The following ZNF385D variants were observed in gnomAD, a reference collection of about 807,000 sequenced individuals.
ZNF385D encodes the protein zinc finger protein 659.
ZNF385D carries 15 observed loss-of-function variants against 35.8 expected under a neutral mutation model. The ratio of observed to expected loss-of-function variants is 0.42; its 90% CI spans 0.28 to 0.64. The LOEUF (loss-of-function observed/expected upper bound fraction) is 0.64, where lower values mean the gene tolerates loss of function less well. Among genes scored for constraint, ZNF385D ranks in the 30% least tolerant of loss-of-function variants. The pLI is 0.23. For missense variants in ZNF385D, 474 were observed against 494.6 expected, an observed-to-expected ratio of 0.96 and a Z score of 0.39; for synonymous variants, 212 against 186.8, an observed-to-expected ratio of 1.13 and a Z score of -1.10.
At chr3:22,103,051 G>C (rs1435653916) in intron 3 of ZNF385D, among the ~76,000 whole-genome samples, 1 of 151,264 alleles carries the variant, frequency 6.6e-6, no homozygotes, top group South Asian at 2.1e-4. Flanking sequence ...TGCAACTAAA[G>C]TCAAGACTGA....
chr3:21,782,027 T>C lies in ZNF385D; in HGVS notation c.326-116999A>G, dbSNP rs571253454. Among the ~76,000 whole-genome samples the C allele has an allele frequency of 2.2e-3, 337 of 152,200 alleles. 1 individual carries two copies. The highest frequency in any genetic ancestry group is 5.8e-3 in the Admixed American group (89 of 15,276). On this transcript the variant is annotated intron_variant, in intron 3 of 5. Coordinates refer to the ZNF385D transcript ENST00000494108. ...TTCCCGCCTCCACTAGGGCGAGGAC[T>C]CCTCTGCACCCTATATGCTTTGTTC...
At chr3:21,837,061 A>T (rs1031139336) in intron 3 of ZNF385D, among the ~76,000 whole-genome samples, 1 of 152,112 alleles carries the variant, frequency 6.6e-6, no homozygotes, top group Non-Finnish European at 1.5e-5. Context: ...TGTATCCTTA[A>T]AGCTCTTTAA....
rs1553622610 is a variant in ZNF385D at position 21,608,023 on chromosome 3, G to GTTTTTTTTTGGTTTTTTTTT, written c.166-43340_166-43339insAAAAAAAAACCAAAAAAAAA. Among the ~76,000 whole-genome samples, 924 of 120,054 alleles carry GTTTTTTTTTGGTTTTTTTTT rather than the reference G, an allele frequency of 7.7e-3. 48 individuals carry two copies. Among genetic ancestry groups the GTTTTTTTTTGGTTTTTTTTT allele is most frequent in the South Asian group, 0.015 (51 of 3,406 alleles). 78.8% of individuals were successfully genotyped at this position (120,054 alleles called of 152,430 possible). On this transcript the variant is annotated intron_variant, in intron 2 of 7. Transcript: ENST00000281523. ...TAATTCTTTTTCTTCTTTTTTTTTT[G>GTTTTTTTTTGGTTTTTTTTT]TTTTTTTTTTTTGAGTCTTGCTGTC...
chr3:22,279,595 T>TATATATGTATATACATATAC (rs1435611191), intron 2 of ZNF385D, among the ~76,000 whole-genome samples: 33 of 144,430 alleles, frequency 2.3e-4, no homozygotes, highest in South Asian at 6.4e-4. Flanking sequence ...CATATGTACA[T>TATATATGTATATACATATAC]ATATATGTAT....
chr3:22,224,382 T>A (rs1443656916), intron 2 of ZNF385D, among the ~76,000 whole-genome samples: 1 of 152,178 alleles, frequency 6.6e-6, no homozygotes, highest in Non-Finnish European at 1.5e-5. Context: ...ATATCTGAGT[T>A]CAAATATCTT....
intron 2 of ZNF385D, among the ~76,000 whole-genome samples, chr3:22,255,616 ACCTG>A (rs1476247001): frequency 6.6e-6 from 1 of 151,676 alleles, no homozygotes; most frequent in African/African-American, 2.4e-5. Flanking sequence ...TTATATTTCT[ACCTG>A]CCTATTTCTC....
chr3:21,616,066 C>T (rs1467789436), intron 2 of ZNF385D, among the ~76,000 whole-genome samples: 1 of 151,922 alleles, frequency 6.6e-6, no homozygotes, highest in Admixed American at 6.6e-5. Context: ...TTTAAATAAG[C>T]TGAAATCTAT....
chr3:21,632,753 G>C (rs1448046563), intron 2 of ZNF385D, among the ~76,000 whole-genome samples: 2 of 152,042 alleles, frequency 1.3e-5, no homozygotes, highest in African/African-American at 4.8e-5. Context: ...CTGCTGGATT[G>C]GCTGTGACAA....
chr3:21,802,203 A>G (rs1220561019), intron 3 of ZNF385D, among the ~76,000 whole-genome samples: 1 of 152,204 alleles, frequency 6.6e-6, no homozygotes, highest in Non-Finnish European at 1.5e-5. Context: ...TTCCAATATT[A>G]TCTAAGATCT....
intron 2 of ZNF385D, among the ~76,000 whole-genome samples, chr3:21,640,931 C>T (rs1021117995): frequency 6.6e-6 from 1 of 152,010 alleles, no homozygotes; most frequent in African/African-American, 2.4e-5. Flanking sequence ...CATGTGAGAA[C>T]CCACAGCTTT....
intron 2 of ZNF385D, among the ~76,000 whole-genome samples, chr3:22,194,758 C>T (rs553637637): frequency 6.6e-6 from 1 of 151,710 alleles, no homozygotes; most frequent in African/African-American, 2.4e-5. Flanking sequence ...AGTGTGTGCC[C>T]CTTTGAGACT....
intron 1 of ZNF385D, among the ~76,000 whole-genome samples, chr3:21,677,347 A>G (rs1184359253): frequency 6.6e-6 from 1 of 152,044 alleles, no homozygotes; most frequent in East Asian, 1.9e-4. Flanking sequence ...CCCTCTTGTG[A>G]ATTGCAGCCT....
intron 3 of ZNF385D, among the ~76,000 whole-genome samples, chr3:21,761,853 CA>C: frequency 7.4e-6 from 1 of 135,048 alleles, no homozygotes; most frequent in South Asian, 2.5e-4. Flanking sequence ...ATTATGATTT[CA>C]AGAGCATTTT....
At chr3:22,232,166 T>G (rs917857897) in intron 2 of ZNF385D, among the ~76,000 whole-genome samples, 1 of 152,186 alleles carries the variant, frequency 6.6e-6, no homozygotes, top group African/African-American at 2.4e-5. Context: ...TGCGCTCATA[T>G]TGTAACTATT....
chr3:22,177,649 T>C (rs976722436), intron 2 of ZNF385D, among the ~76,000 whole-genome samples: 22 of 152,178 alleles, frequency 1.4e-4, no homozygotes, highest in African/African-American at 5.1e-4. Flanking sequence ...TTGTTACATA[T>C]GTATACATGT....
chr3:21,736,830 C>T (rs1203240621), intron 1 of ZNF385D, among the ~76,000 whole-genome samples: 9 of 152,178 alleles, frequency 5.9e-5, no homozygotes, highest in Non-Finnish European at 1.0e-4. Flanking sequence ...AGCAATTATT[C>T]TACTTTTTAA....
intron 3 of ZNF385D, among the ~76,000 whole-genome samples, chr3:22,032,292 CAGGAAACTTGCAATTGTGGTG>C (rs1698046653): frequency 1.3e-5 from 2 of 152,170 alleles, no homozygotes; most frequent in Non-Finnish European, 2.9e-5. Context: ...GGGGAGGACT[CAGGAAACTTGCAATTGTGGTG>C]GAAGGCAAAG....
chr3:22,125,894 G>A (rs182524701), intron 3 of ZNF385D, among the ~76,000 whole-genome samples: 6 of 152,110 alleles, frequency 3.9e-5, no homozygotes, highest in Non-Finnish European at 7.4e-5. Context: ...TTACAACCTG[G>A]ATGTCTCATT....
intron 2 of ZNF385D, among the ~76,000 whole-genome samples, chr3:22,285,280 T>C (rs899233453): frequency 6.6e-6 from 1 of 152,174 alleles, no homozygotes; most frequent in Non-Finnish European, 1.5e-5. Flanking sequence ...CTCCACCACA[T>C]TCCTTTCTGT....
Sources: gnomAD v4.1 joint callset for allele counts (sites outside exome capture counted in the v4.1 genomes callset) on GRCh38, gnomAD v4.1.1 for gene constraint, MANE v1.5 for transcripts, NCBI Gene and HGNC (gene_info 2026-07-23, HGNC 2026-07-21) for gene names.